GNAS: variants seen among roughly 807,000 people sequenced by gnomAD.
The protein encoded by GNAS is GNAS complex locus.
A neutral mutation model predicts 54.5 loss-of-function variants in GNAS; 8 were observed. The ratio of observed to expected loss-of-function variants is 0.15; its 90% CI spans 0.09 to 0.26. The LOEUF (loss-of-function observed/expected upper bound fraction) is 0.26. Among genes scored for constraint, GNAS ranks in the 10% least tolerant of loss-of-function variants. GNAS has a pLI of 1.00. For missense variants in GNAS, 170 were observed against 529.8 expected (o/e 0.32, Z 6.67); for synonymous variants, 204 against 191.4 (o/e 1.07, Z -0.54).
At chr20:58,849,338 C>T (rs2086060689) in intron 1 of GNAS, among the ~76,000 whole-genome samples, 1 of 152,162 alleles carries the variant, frequency 6.6e-6, no homozygotes, top group Admixed American at 6.5e-5. Context: ...CTTCTGAGTC[C>T]TCCCTACTCA....
Position 58,873,360 on chromosome 20 carries a change from A to G in GNAS, c.44-22252A>G, listed in dbSNP as rs2087590642. Among the ~76,000 whole-genome samples the G allele has an allele frequency of 1.3e-5, 2 of 152,254 alleles. No individual in the cohort carries two copies. Among genetic ancestry groups the G allele is most frequent in the Admixed American group, 6.5e-5 (1 of 15,292 alleles). On this transcript the variant is annotated intron_variant, in intron 1 of 12. Coordinates refer to the GNAS transcript ENST00000306090. This position sits in a 1 kb window ranked among gnomAD's most constrained non-coding sequence, Gnocchi z 4.3. ...CTAATTTAAGAAAACAGTTAAATCC[A>G]TCATGGTTCCAAGTGAAAACAGTTG...
chr20:58,854,744 C>T lies in GNAS; in HGVS notation c.43+13858C>T, dbSNP rs1298120817. ...CCCATGTCGCCCCAGCTGCGCCAGA[C>T]GCAGGGGCTCCCACTGCCCCAGCCG... On this transcript the variant is annotated intron_variant, in intron 1 of 12. Coordinates refer to the GNAS transcript ENST00000306090. 4 of 1,541,616 alleles carry T rather than the reference C, an allele frequency of 2.6e-6. No individual in the cohort carries two copies. The highest frequency in any genetic ancestry group is 3.8e-5 in the Admixed American group (2 of 52,302).
intron 1 of GNAS, among the ~76,000 whole-genome samples, chr20:58,861,053 T>C (rs1360286509): frequency 2.6e-5 from 4 of 152,176 alleles, no homozygotes; most frequent in Non-Finnish European, 5.9e-5. Flanking sequence ...TCCTTCTTCT[T>C]TTTAGAGTTA....
At chr20:58,852,814 C>A (rs1029368287) in intron 1 of GNAS, 36 of 232,220 alleles carry the variant, frequency 1.6e-4, no homozygotes, top group Non-Finnish European at 2.7e-4. Flanking sequence ...GGGCCCCTGG[C>A]GCCAGGAGCA....
At chr20:58,887,006 A>G (rs1004380332), upstream of GNAS, among the ~76,000 whole-genome samples, 2 of 152,252 alleles carry the variant, frequency 1.3e-5, no homozygotes, top group Non-Finnish European at 2.9e-5. Flanking sequence ...TTCTAGGACA[A>G]TAGTCCCAAT....
intron 3 of GNAS, 158 bp from the exon 4 acceptor site, chr20:58,903,373 A>G (rs1458089200): frequency 1.2e-5 from 9 of 739,150 alleles, no homozygotes; most frequent in South Asian, 5.9e-5. Context: ...ATTTGCAACT[A>G]TGTTTATTCA....
At chr20:58,892,203 G>A in intron 1 of GNAS, 11 of 978,172 alleles carry the variant, frequency 1.1e-5, no homozygotes, top group African/African-American at 1.8e-5. Flanking sequence ...CGACGCCAGG[G>A]GTTTGGGTGC....
upstream of GNAS, chr20:58,839,862 C>T (rs2085654315): frequency 1.3e-5 from 8 of 597,018 alleles, no homozygotes; most frequent in East Asian, 1.4e-4. Flanking sequence ...GAACTTTCCC[C>T]TTTTTTCCCA....
intron 1 of GNAS, among the ~76,000 whole-genome samples, chr20:58,865,467 A>G (rs1474472846): frequency 1.4e-5 from 2 of 148,050 alleles, no homozygotes; most frequent in Non-Finnish European, 3.0e-5. Context: ...TATATCATAT[A>G]TAATACAAAA....
intron 1 of GNAS, among the ~76,000 whole-genome samples, chr20:58,862,622 G>C (rs1052707457): frequency 6.7e-6 from 1 of 150,340 alleles, no homozygotes; most frequent in Admixed American, 6.7e-5. Flanking sequence ...CTATTAACAT[G>C]TAAGTTCTAA....
At chr20:58,908,497 G>T (rs1261381111) in intron 6 of GNAS, among the ~76,000 whole-genome samples, 1 of 151,902 alleles carries the variant, frequency 6.6e-6, no homozygotes, top group Non-Finnish European at 1.5e-5. Flanking sequence ...TAAAAAGGAA[G>T]GGATACAGAT....
upstream of GNAS, among the ~76,000 whole-genome samples, chr20:58,886,690 A>C (rs1469518366): frequency 2.6e-5 from 4 of 152,048 alleles, no homozygotes; most frequent in South Asian, 8.3e-4. Context: ...TTAGGGCCTC[A>C]AGAGGTCAAA....
chr20:58,881,281 A>G (rs1277636227), intron 1 of GNAS, among the ~76,000 whole-genome samples: 5 of 152,132 alleles, frequency 3.3e-5, no homozygotes, highest in Non-Finnish European at 7.4e-5. Flanking sequence ...TTATGAGTAA[A>G]AGGAGTGGTG....
chr20:58,901,595 G>A (rs1439026106), intron 3 of GNAS, among the ~76,000 whole-genome samples: 1 of 135,162 alleles, frequency 7.4e-6, no homozygotes, highest in South Asian at 2.6e-4. Context: ...ACTAATGAGC[G>A]TGGCCCCTCT....
chr20:58,899,664 C>A (rs1019587399), intron 3 of GNAS, among the ~76,000 whole-genome samples: 2 of 132,672 alleles, frequency 1.5e-5, no homozygotes, highest in Admixed American at 8.3e-5. Context: ...CACACACACA[C>A]GCACACACAT....
chr20:58,892,788 C>A (rs985637028), intron 1 of GNAS, among the ~76,000 whole-genome samples: 1 of 151,922 alleles, frequency 6.6e-6, no homozygotes, highest in Non-Finnish European at 1.5e-5. Flanking sequence ...AATGACACGT[C>A]ATTTTACAGT....
intron 1 of GNAS, among the ~76,000 whole-genome samples, chr20:58,865,041 A>G (rs2086975216): frequency 6.6e-6 from 1 of 152,128 alleles, no homozygotes; most frequent in Non-Finnish European, 1.5e-5. Context: ...CCCCTCATTG[A>G]TAACTACTGC....
chr20:58,852,389 G>A (rs970361321), intron 1 of GNAS, among the ~76,000 whole-genome samples: 3 of 152,072 alleles, frequency 2.0e-5, no homozygotes, highest in Non-Finnish European at 2.9e-5. Flanking sequence ...CCTCTCCCTC[G>A]CCTCTCTCTG....
At chr20:58,840,239 C>G, upstream of GNAS, 1 of 1,611,166 alleles carries the variant, frequency 6.2e-7, no homozygotes, top group Non-Finnish European at 8.5e-7. The surrounding 1 kb of genome is among the most constrained non-coding windows in gnomAD (Gnocchi z 6.0). Flanking sequence ...CCTCCGCGCC[C>G]TTGCCACCTC....
Sources: allele counts gnomAD v4.1 joint callset (sites outside exome capture counted in the v4.1 genomes callset), GRCh38; gene constraint gnomAD v4.1.1; non-coding constraint Gnocchi (gnomAD v3.1); transcripts MANE v1.5; gene names NCBI Gene and HGNC (gene_info 2026-07-23, HGNC 2026-07-21).